Variants in SLCO3A1 observed in about 807,000 individuals in gnomAD.
SLCO3A1 encodes solute carrier organic anion transporter family member 3A1, also known as PGE1 transporter.
In SLCO3A1, 27 loss-of-function variants were observed where a neutral mutation model predicts 63.1. The ratio of observed to expected loss-of-function variants is 0.43; its 90% CI spans 0.32 to 0.59. The LOEUF is 0.59. Among genes scored for constraint, SLCO3A1 ranks in the 20% least tolerant of loss-of-function variants. SLCO3A1 has a pLI of 0.09. For missense variants in SLCO3A1, 773 were observed against 945.8 expected, an observed-to-expected ratio of 0.82 and a Z score of 2.40; for synonymous variants, 473 against 409.9, an observed-to-expected ratio of 1.15 and a Z score of -1.86.
chr15:91,997,171 A>G (rs1235338051), intron 2 of SLCO3A1, among the ~76,000 whole-genome samples: 2 of 152,246 alleles, frequency 1.3e-5, no homozygotes, highest in Non-Finnish European at 2.9e-5. Flanking sequence ...TGCAAAATCA[A>G]TGTACAAAAA....
chr15:91,895,794 A>G (rs935859923), intron 1 of SLCO3A1, among the ~76,000 whole-genome samples: 1 of 152,226 alleles, frequency 6.6e-6, no homozygotes, highest in African/African-American at 2.4e-5. Flanking sequence ...CATGGCATTT[A>G]TCGTTACAGG....
At chr15:92,116,523 A>G (rs1469808176) in intron 4 of SLCO3A1, among the ~76,000 whole-genome samples, 1 of 152,222 alleles carries the variant, frequency 6.6e-6, no homozygotes, top group Admixed American at 6.5e-5. Context: ...CTAAATCGGT[A>G]GGCGGGGGGT....
chr15:92,030,971 C>A (rs1273855840), intron 2 of SLCO3A1, among the ~76,000 whole-genome samples: 1 of 129,956 alleles, frequency 7.7e-6, no homozygotes, highest in East Asian at 2.6e-4. Flanking sequence ...TACATAAATG[C>A]ACCTGTAGCT....
Position 92,125,100 on chromosome 15 carries a change from C to G in SLCO3A1, c.1175-961C>G, listed in dbSNP as rs181668561. 2.0e-3 allele frequency among the ~76,000 whole-genome samples: 311 copies of G among 152,258 alleles called. 1 individual carries two copies. Among genetic ancestry groups the G allele is most frequent in the Middle Eastern group, 0.01 (3 of 294 alleles). ...CTGTTTTCTTGCAGAGCTATACCCC[C>G]TTATTATATTTTCTCACCCCAATAT... On this transcript the variant is annotated intron_variant, in intron 5 of 9. Coordinates refer to ENST00000318445, the MANE Select transcript of SLCO3A1 (RefSeq NM_013272.4).
At chr15:91,951,456 G>A (rs143160243) in intron 2 of SLCO3A1, among the ~76,000 whole-genome samples, 10 of 151,974 alleles carry the variant, frequency 6.6e-5, no homozygotes, top group Non-Finnish European at 1.3e-4. Context: ...TTTATTCATC[G>A]GTCAGTGAAC....
rs528546545 is a variant in SLCO3A1, at chr15:91,931,685, G to C, written c.646+15227G>C. 2.2e-4 allele frequency among the ~76,000 whole-genome samples: 33 copies of C among 151,946 alleles called. No homozygotes were observed. In the South Asian group the frequency reaches 6.9e-3, roughly 32 times the overall value. On this transcript the variant is annotated intron_variant, in intron 2 of 9. Coordinates refer to ENST00000318445, the MANE Select transcript of SLCO3A1 (RefSeq NM_013272.4). ...GGGGTTTCACCATATTGGTCAGGCT[G>C]GTCTCCAGCTCTTGACCTCAGGTGA... is the stretch of plus-strand genomic sequence containing the variant.
At chr15:92,017,751 A>G (rs1195741061) in intron 2 of SLCO3A1, among the ~76,000 whole-genome samples, 1 of 152,116 alleles carries the variant, frequency 6.6e-6, no homozygotes, top group African/African-American at 2.4e-5. Flanking sequence ...GGGAAGGTGA[A>G]GCTACCAGGG....
At chr15:91,888,826 AC>A (rs1447026298) in intron 1 of SLCO3A1, among the ~76,000 whole-genome samples, 48 of 152,066 alleles carry the variant, frequency 3.2e-4, no homozygotes, top group Admixed American at 1.1e-3. Context: ...CTACAAAAAA[AC>A]AAAACAAAAC....
intron 9 of SLCO3A1, 157 bp downstream of exon 9, chr15:92,151,171 C>A: frequency 1.7e-6 from 1 of 594,598 alleles, no homozygotes; most frequent in Non-Finnish European, 2.9e-6. Context: ...AAATTTTGGT[C>A]AGAGATAAAC....
intron 2 of SLCO3A1, among the ~76,000 whole-genome samples, chr15:91,951,684 T>A (rs1184264499): frequency 2.0e-5 from 3 of 151,808 alleles, no homozygotes. Context: ...GCCTCCCAAG[T>A]AGTAGGGATT....
chr15:92,157,139 T>C (rs1384510418), intron 9 of SLCO3A1: 1 of 152,168 alleles, frequency 6.6e-6, no homozygotes, highest in Non-Finnish European at 1.5e-5. Flanking sequence ...GGCAACAGCA[T>C]TGAGCCTGCA....
At chr15:92,121,840 G>T (rs920004756) in intron 5 of SLCO3A1, among the ~76,000 whole-genome samples, 69 of 152,210 alleles carry the variant, frequency 4.5e-4, no homozygotes, top group African/African-American at 2.4e-4. Context: ...TGCAATGTGA[G>T]CAGTCAAGCA....
intron 2 of SLCO3A1, among the ~76,000 whole-genome samples, chr15:91,993,836 G>A (rs1295379575): frequency 2.0e-5 from 3 of 152,140 alleles, no homozygotes; most frequent in African/African-American, 4.8e-5. Flanking sequence ...CTCTTGGATC[G>A]CTTGCTCTGG....
At chr15:91,880,111 GTCCGTCCGTCCGTCCGTCCGTCCA>G (rs558038715) in intron 1 of SLCO3A1, among the ~76,000 whole-genome samples, 5,272 of 118,812 alleles carry the variant, frequency 0.044, 302 homozygotes, top group African/African-American at 0.16. Context: ...CCGTCCGTCC[GTCCGTCCGTCCGTCCGTCCGTCCA>G]TCCATCCATC....
chr15:92,140,462 G>A (rs1363620092), intron 7 of SLCO3A1, among the ~76,000 whole-genome samples: 2 of 151,648 alleles, frequency 1.3e-5, no homozygotes, highest in African/African-American at 2.4e-5. Context: ...CTGTTGATTT[G>A]GGGTGGAGAG....
At chr15:92,109,064 A>G (rs908398134) in intron 4 of SLCO3A1, among the ~76,000 whole-genome samples, 2 of 152,170 alleles carry the variant, frequency 1.3e-5, no homozygotes, top group African/African-American at 2.4e-5. Context: ...GAATGAAGTA[A>G]TAAATGAATA....
intron 3 of SLCO3A1, among the ~76,000 whole-genome samples, chr15:92,099,401 A>G (rs1040468540): frequency 3.9e-5 from 6 of 152,176 alleles, no homozygotes; most frequent in African/African-American, 1.4e-4. Context: ...CTTGAGTCCC[A>G]TAGCAAAAGT....
intron 2 of SLCO3A1, among the ~76,000 whole-genome samples, chr15:92,018,667 C>T (rs1338398575): frequency 6.6e-6 from 1 of 152,168 alleles, no homozygotes; most frequent in African/African-American, 2.4e-5. Context: ...GGAGGACTGG[C>T]GTCCGTCGGG....
At chr15:92,149,833 AGTGTGCTTTCTT>A (rs1327438824) in intron 8 of SLCO3A1, 1 of 152,238 alleles carries the variant, frequency 6.6e-6, no homozygotes, top group Non-Finnish European at 1.5e-5. Flanking sequence ...TCATTATACC[AGTGTGCTTTCTT>A]GATAAGGAGA....
Sources: allele counts gnomAD v4.1 joint callset (sites outside exome capture counted in the v4.1 genomes callset), GRCh38; gene constraint gnomAD v4.1.1; transcripts MANE v1.5; gene names NCBI Gene and HGNC (gene_info 2026-07-23, HGNC 2026-07-21).